WDR47: variants seen among roughly 807,000 people sequenced by gnomAD.
The protein encoded by WDR47 is WD repeat-containing protein 47.
A neutral mutation model predicts 97.2 loss-of-function variants in WDR47; 32 were observed. The observed-to-expected ratio is 0.33, with a 90% CI of 0.25 to 0.44. The LOEUF (loss-of-function observed/expected upper bound fraction) is 0.44, where lower values mean the gene tolerates loss of function less well. WDR47 is among the 20% of genes least tolerant of loss of function. WDR47 has a pLI of 1.00. For missense variants in WDR47, 782 were observed against 1,102.3 expected (o/e 0.71, Z 4.11); for synonymous variants, 375 against 373.5 (o/e 1.00, Z -0.05).
rs1360845945 is a variant in WDR47, at chr1:109,040,334, T to C, written c.-10+1528A>G. Among the ~76,000 whole-genome samples the C allele has an allele frequency of 2.6e-5, 4 of 152,222 alleles. No homozygotes were observed. The East Asian group carries it at 7.7e-4, about 29-fold the overall frequency. On this transcript the variant is annotated intron_variant, in intron 1 of 14. Coordinates refer to ENST00000369962, the MANE Select transcript of WDR47 (RefSeq NM_001142551.2). ...AGCATTTCATATGCCGCCCATTAAA[T>C]AACTAATATATTCTATTTCACAAAC...
In WDR47 at chr1:108,986,686, G is replaced by A. The variant is rs1472783601; in HGVS notation, c.1768-6C>T. 1 of 1,475,856 alleles carries A rather than the reference G, an allele frequency of 6.8e-7. No individual in the cohort carries two copies. The highest frequency in any genetic ancestry group is 9.0e-7 in the Non-Finnish European group (1 of 1,116,850). The allele number at this position is 1,475,856 out of a possible 1,614,324, so 91.4% of individuals were successfully genotyped here. Reference sequence around the variant, plus strand: ...TGCTTTTTTGATTTGTCATCCTATGGAAAGAATGAATATTAGTTATCCTAT... The same window carrying A: ...TGCTTTTTTGATTTGTCATCCTATGAAAAGAATGAATATTAGTTATCCTAT... On this transcript the variant is annotated splice_polypyrimidine_tract_variant and splice_region_variant and intron_variant, in intron 9 of 14. Coordinates refer to ENST00000369962, the MANE Select transcript of WDR47 (RefSeq NM_001142551.2).
At position 109,031,230 on chromosome 1, in the gene WDR47, T is replaced by C. The variant is rs1225697791; in HGVS notation, c.-9-7709A>G. 1.4e-5 allele frequency among the ~76,000 whole-genome samples: 2 copies of C among 140,192 alleles called. 1 individual carries two copies. The highest frequency in any genetic ancestry group is 4.2e-4 in the East Asian group (2 of 4,796). The allele number at this position is 140,192 out of a possible 152,430, so 92.0% of individuals were successfully genotyped here. A position where few individuals can be genotyped will look rare whatever the true frequency, so the allele number is the denominator to read the frequency against. ...GTAACATGGGTGCAGCACGTGCCCC[T>C]GCTTACTGTTGACAGCAGTTCTCAA... On this transcript the variant is annotated intron_variant, in intron 1 of 14. Transcript: ENST00000369962.
At chr1:108,975,379 T>G (rs982474774) in intron 13 of WDR47, among the ~76,000 whole-genome samples, 5 of 151,908 alleles carry the variant, frequency 3.3e-5, no homozygotes, top group African/African-American at 1.2e-4. Flanking sequence ...ATCCAGCACT[T>G]TGGGAGACCG....
At chr1:108,994,664 G>C (rs912195371) in intron 8 of WDR47, among the ~76,000 whole-genome samples, 5 of 148,170 alleles carry the variant, frequency 3.4e-5, no homozygotes, top group African/African-American at 1.1e-4. Context: ...CATGGACAAA[G>C]ATGGGTTTTA....
At chr1:109,006,687 C>T (rs1308418752) in intron 5 of WDR47, among the ~76,000 whole-genome samples, 1 of 152,142 alleles carries the variant, frequency 6.6e-6, no homozygotes, top group Admixed American at 6.6e-5. Context: ...GATTGCATAG[C>T]TAGAAAATAG....
intron 1 of WDR47, among the ~76,000 whole-genome samples, chr1:109,040,907 C>T (rs965967819): frequency 6.6e-6 from 1 of 151,962 alleles, no homozygotes; most frequent in Non-Finnish European, 1.5e-5. Flanking sequence ...AGGCATTCTA[C>T]AGAGTCTCCA....
intron 10 of WDR47, among the ~76,000 whole-genome samples, chr1:108,986,246 C>A (rs1246119159): frequency 1.3e-5 from 2 of 151,690 alleles, no homozygotes; most frequent in African/African-American, 4.8e-5. Context: ...AGATAAAAAA[C>A]AAAATACAAA....
In WDR47 at chr1:109,023,348, A is replaced by T; in HGVS notation, c.158+7T>A. The T allele has an allele frequency of 1.2e-6, 2 of 1,612,864 alleles. No individual in the cohort carries two copies. The highest frequency in any genetic ancestry group is 1.1e-5 in the South Asian group (1 of 90,930). On this transcript the variant is annotated splice_region_variant and intron_variant, in intron 2 of 14. Coordinates refer to ENST00000369962, the MANE Select transcript of WDR47 (RefSeq NM_001142551.2). ...GCTACAAACTTCACAGTATAATGAA[A>T]TCATACCTCAGGAAAAGCATATCAT...
chr1:109,026,846 T>C (rs1662246609), intron 1 of WDR47, among the ~76,000 whole-genome samples: 1 of 152,196 alleles, frequency 6.6e-6, no homozygotes. Context: ...AAGTTTAATG[T>C]TGCAGTCATT....
At chr1:109,036,696 C>T (rs1037440722) in intron 1 of WDR47, among the ~76,000 whole-genome samples, 9 of 151,712 alleles carry the variant, frequency 5.9e-5, no homozygotes, top group Admixed American at 2.6e-4. Context: ...ATTAGCTGGG[C>T]GTGGTGGCAG....
At chr1:108,986,709 T>G (rs1221691869) in intron 9 of WDR47, 29 bp from the exon 10 acceptor site, 1 of 1,482,160 alleles carries the variant, frequency 6.7e-7, no homozygotes, top group African/African-American at 1.4e-5. Flanking sequence ...TTAGTTATCC[T>G]ATTAAAAAAA....
chr1:108,986,956 T>G, intron 9 of WDR47: 1 of 268,432 alleles, frequency 3.7e-6, no homozygotes, highest in South Asian at 7.3e-5. Flanking sequence ...GGTATTATCA[T>G]CAGTGATGCT....
chr1:109,034,045 T>C (rs948732514), intron 1 of WDR47, among the ~76,000 whole-genome samples: 1 of 152,238 alleles, frequency 6.6e-6, no homozygotes, highest in African/African-American at 2.4e-5. Context: ...TCCCAGTATT[T>C]TGGGAGGCCG....
chr1:109,011,185 A>C lies in WDR47; in HGVS notation c.861T>G (p.Leu287=), dbSNP rs749445040. The C allele has an allele frequency of 3.1e-6, 5 of 1,614,044 alleles. No homozygotes were observed. The highest frequency in any genetic ancestry group is 3.3e-4 in the Middle Eastern group (2 of 6,084). ...ATGGATAGGGAGAGAGTTTGCTGATAAGAGGAGTCAAAAGATCAGCATATG... is the reference window on the plus strand; with the variant it reads ...ATGGATAGGGAGAGAGTTTGCTGATCAGAGGAGTCAAAAGATCAGCATATG... The part of the protein sequence containing the change: ...KAAYADLLTP[L]ISKLSPYPSS... Residue 287 remains leucine (L), a synonymous_variant, in exon 5 of 15, where the codon CTT becomes CTG. Coordinates refer to ENST00000369962, the MANE Select transcript of WDR47 (RefSeq NM_001142551.2).
chr1:109,039,827 G>A (rs1663221448), intron 1 of WDR47, among the ~76,000 whole-genome samples: 2 of 151,952 alleles, frequency 1.3e-5, no homozygotes, highest in Non-Finnish European at 2.9e-5. Flanking sequence ...CCTGAGGCTA[G>A]GAGTTCGAGA....
At chr1:109,034,926 G>A (rs1259139586) in intron 1 of WDR47, among the ~76,000 whole-genome samples, 1 of 152,090 alleles carries the variant, frequency 6.6e-6, no homozygotes, top group Non-Finnish European at 1.5e-5. Flanking sequence ...TATTTAAAAG[G>A]AGAGAGGCAT....
At chr1:109,038,233 G>A (rs942711481) in intron 1 of WDR47, among the ~76,000 whole-genome samples, 3 of 152,158 alleles carry the variant, frequency 2.0e-5, no homozygotes, top group Non-Finnish European at 4.4e-5. Context: ...CTCAATAAAT[G>A]TAAATTCCTT....
At position 108,995,614 on chromosome 1, in the gene WDR47, G is replaced by A. The variant is rs954075684; in HGVS notation, c.1657C>T (p.Pro553Ser). The A allele has an allele frequency of 5.6e-6, 9 of 1,614,124 alleles. No homozygotes were observed. In the South Asian group the frequency reaches 8.8e-5, roughly 16 times the overall value. ...CCACAAGGTGATTCCTCCAGAAAAG[G>A]TATGTGATTTGTTGATCCAGGATTA... ...PRNPGSTNHI[P>S]FLEESPCGSQ... The change falls in exon 8 of 15, where the codon CCT (proline) becomes TCT (serine). Residue 553 changes from proline (P) to serine (S), a missense_variant. Around this residue, in one of 3 missense-constraint regions of WDR47, gnomAD observed 126 missense variants for 121.3 expected, o/e 1.04. Coordinates refer to ENST00000369962, the MANE Select transcript of WDR47 (RefSeq NM_001142551.2).
intron 1 of WDR47, among the ~76,000 whole-genome samples, chr1:109,033,268 T>C (rs1236686988): frequency 2.0e-5 from 3 of 151,930 alleles, no homozygotes; most frequent in Admixed American, 2.0e-4. Flanking sequence ...ACACTCCAGC[T>C]TGGGCGACAG....
Sources: allele counts gnomAD v4.1 joint callset (sites outside exome capture counted in the v4.1 genomes callset), GRCh38; gene constraint gnomAD v4.1.1; regional missense constraint gnomAD v4.1.1; transcripts MANE v1.5; gene names NCBI Gene and HGNC (gene_info 2026-07-23, HGNC 2026-07-21).